WWOX: variants seen among roughly 807,000 people sequenced by gnomAD.
WWOX encodes the protein WW domain containing oxidoreductase, also known as WW domain-containing oxidoreductase.
WWOX carries 69 observed loss-of-function variants against 46.2 expected under a neutral mutation model. The ratio of observed to expected loss-of-function variants is 1.49; its 90% CI spans 1.23 to 1.82. The LOEUF is 1.82. Among genes scored for constraint, WWOX ranks in the 40% most tolerant of loss-of-function variants. The pLI, the probability that WWOX is intolerant of heterozygous loss-of-function variation, is 0.00. For synonymous variants in WWOX, 359 were observed against 202.6 expected (o/e 1.77, Z -6.56); for missense variants, 919 against 542.6 (o/e 1.69, Z -6.89).
At chr16:78,673,550 T>TA (rs1220989518) in intron 8 of WWOX, among the ~76,000 whole-genome samples, 1 of 152,116 alleles carries the variant, frequency 6.6e-6, no homozygotes, top group Non-Finnish European at 1.5e-5. Context: ...GAGAAGCTTC[T>TA]GGATGGTTGA....
intron 8 of WWOX, among the ~76,000 whole-genome samples, chr16:78,732,275 GT>G (rs2048988214): frequency 6.6e-6 from 1 of 152,096 alleles, no homozygotes; most frequent in East Asian, 1.9e-4. Flanking sequence ...CTTCCGTCTG[GT>G]TGTGTCTCTC....
At chr16:78,615,985 C>T (rs942564931) in intron 8 of WWOX, among the ~76,000 whole-genome samples, 13 of 152,216 alleles carry the variant, frequency 8.5e-5, no homozygotes, top group Admixed American at 3.9e-4. Context: ...CTCCTGACCT[C>T]GTGATCTGCC....
chr16:78,181,493 C>T (rs1242386241), intron 5 of WWOX, among the ~76,000 whole-genome samples: 1 of 152,146 alleles, frequency 6.6e-6, no homozygotes, highest in East Asian at 1.9e-4. Flanking sequence ...TGTTCCAATT[C>T]GTGGCTTAAT....
chr16:78,953,651 T>G (rs1164518238), intron 8 of WWOX, among the ~76,000 whole-genome samples: 1 of 152,128 alleles, frequency 6.6e-6, no homozygotes, highest in Non-Finnish European at 1.5e-5. Flanking sequence ...AACCTCTTAT[T>G]GAGGTCCACC....
intron 8 of WWOX, among the ~76,000 whole-genome samples, chr16:78,677,206 C>G (rs929435679): frequency 6.6e-6 from 1 of 152,126 alleles, no homozygotes; most frequent in African/African-American, 2.4e-5. Flanking sequence ...CAATCAGGCT[C>G]TTCTCAAACC....
At chr16:79,142,343 C>G (rs1480280374) in intron 8 of WWOX, among the ~76,000 whole-genome samples, 1 of 152,184 alleles carries the variant, frequency 6.6e-6, no homozygotes, top group Admixed American at 6.5e-5. Context: ...TGTGCTGGAA[C>G]TGGCTGCACC....
intron 8 of WWOX, among the ~76,000 whole-genome samples, chr16:79,023,519 G>T (rs556421313): frequency 6.6e-4 from 100 of 152,190 alleles, no homozygotes; most frequent in Non-Finnish European, 1.2e-3. Flanking sequence ...GGCATTCATA[G>T]TGGGGCGTCC....
At chr16:78,568,640 T>G (rs2151569728) in intron 8 of WWOX, among the ~76,000 whole-genome samples, 1 of 152,102 alleles carries the variant, frequency 6.6e-6, no homozygotes, top group African/African-American at 2.4e-5. Context: ...CACACCCAGC[T>G]GATTTTTGTA....
At chr16:78,959,435 A>C (rs79074620) in intron 8 of WWOX, among the ~76,000 whole-genome samples, 1 of 152,218 alleles carries the variant, frequency 6.6e-6, no homozygotes, top group Non-Finnish European at 1.5e-5. Flanking sequence ...GATAACACTA[A>C]CAAGCTAATT....
intron 8 of WWOX, among the ~76,000 whole-genome samples, chr16:79,158,948 A>C (rs2050433688): frequency 6.6e-6 from 1 of 152,200 alleles, no homozygotes; most frequent in South Asian, 2.1e-4. Context: ...CGTGACATTT[A>C]TTGAATAGAT....
At chr16:78,313,210 C>G (rs746824596) in intron 5 of WWOX, among the ~76,000 whole-genome samples, 96 of 152,314 alleles carry the variant, frequency 6.3e-4, no homozygotes, top group Non-Finnish European at 1.2e-3. Context: ...GGCTCTTCCA[C>G]TTGCTAGCCA....
intron 8 of WWOX, among the ~76,000 whole-genome samples, chr16:78,463,551 G>T (rs941404518): frequency 2.3e-4 from 35 of 152,164 alleles, no homozygotes; most frequent in Non-Finnish European, 2.2e-4. Flanking sequence ...GTAGGATATG[G>T]CTTATCAGGA....
At chr16:79,052,611 C>T (rs1007360285) in intron 8 of WWOX, among the ~76,000 whole-genome samples, 6 of 152,150 alleles carry the variant, frequency 3.9e-5, no homozygotes, top group South Asian at 2.1e-4. Context: ...GCTAGCCAGT[C>T]GGAACAAATA....
At chr16:78,577,401 A>C (rs1292901461) in intron 8 of WWOX, among the ~76,000 whole-genome samples, 1 of 152,206 alleles carries the variant, frequency 6.6e-6, no homozygotes, top group Admixed American at 6.5e-5. Flanking sequence ...AAATTCCAGC[A>C]CTGCGGCCAT....
rs140232595 is a variant in WWOX, at chr16:78,684,641, A to G, written c.1056+251889A>G. Among the ~76,000 whole-genome samples, 574 of 152,294 alleles carry G rather than the reference A, an allele frequency of 3.8e-3. 4 individuals are homozygous for G. The highest frequency in any genetic ancestry group is 0.013 in the African/African-American group (548 of 41,564). On this transcript the variant is annotated intron_variant, in intron 8 of 8. Transcript: ENST00000566780. ...ACTCCACCGTCCCTGCTAATGGCTGAGAAAGGACTCTGCCCTCATGGATGG... is the reference window on the plus strand; with the variant it reads ...ACTCCACCGTCCCTGCTAATGGCTGGGAAAGGACTCTGCCCTCATGGATGG...
chr16:78,826,921 A>G (rs2051673459), intron 8 of WWOX, among the ~76,000 whole-genome samples: 1 of 152,130 alleles, frequency 6.6e-6, no homozygotes. Flanking sequence ...CACACACTAC[A>G]TGCCGGACAC....
rs138222297 is a variant in WWOX at position 78,988,148 on chromosome 16, G to C, written c.1057-223460G>C. Among the ~76,000 whole-genome samples the C allele has an allele frequency of 5.4e-3, 815 of 152,054 alleles. 14 individuals carry two copies. Among genetic ancestry groups the C allele is most frequent in the African/African-American group, 0.019 (770 of 41,460 alleles). On this transcript the variant is annotated intron_variant, in intron 8 of 8. Coordinates refer to ENST00000566780, the MANE Select transcript of WWOX (RefSeq NM_016373.4). The stretch of plus-strand genomic sequence containing the variant: ...ACCTGAGGTCAGGAGTTTGAGACCA[G>C]TCTGGCCAACATGGTGAAACCCCGT...
intron 8 of WWOX, among the ~76,000 whole-genome samples, chr16:78,644,951 G>C (rs145307105): frequency 6.6e-6 from 1 of 152,150 alleles, no homozygotes; most frequent in Non-Finnish European, 1.5e-5. Flanking sequence ...CTTTGAACTC[G>C]TTACTATTAG....
intron 5 of WWOX, among the ~76,000 whole-genome samples, chr16:78,385,910 C>T (rs945300747): frequency 6.6e-6 from 1 of 152,116 alleles, no homozygotes; most frequent in African/African-American, 2.4e-5. Flanking sequence ...GAAGCGCACC[C>T]AGATTTAAAA....
Sources: gnomAD v4.1 joint callset for allele counts (sites outside exome capture counted in the v4.1 genomes callset) on GRCh38, gnomAD v4.1.1 for gene constraint, MANE v1.5 for transcripts, NCBI Gene and HGNC (gene_info 2026-07-23, HGNC 2026-07-21) for gene names.